Variants in KIAA0753 observed in about 807,000 individuals in gnomAD.
KIAA0753 encodes the protein protein moonraker.
A neutral mutation model predicts 116.9 loss-of-function variants in KIAA0753; 114 were observed. That is an observed-to-expected ratio of 0.98 (90% CI 0.84 to 1.14). KIAA0753 has a LOEUF of 1.14. Among genes scored for constraint, KIAA0753 ranks in the 50% most tolerant of loss-of-function variants. The probability of loss-of-function intolerance (pLI) is 0.00; values close to 1 mark genes in which losing one functional copy is unlikely to be tolerated. For synonymous variants in KIAA0753, 405 were observed against 413.1 expected (o/e 0.98, Z 0.24); for missense variants, 1,156 against 1,172.4 (o/e 0.99, Z 0.20).
At chr17:6,600,270 T>C in intron 13 of KIAA0753, 110 bp downstream of exon 13, 1 of 788,276 alleles carries the variant, frequency 1.3e-6, no homozygotes, top group South Asian at 1.5e-5. Flanking sequence ...ATCTTCCAGA[T>C]GCCACAGAGA....
At chr17:6,586,544 G>C (rs1968592626) in intron 18 of KIAA0753, among the ~76,000 whole-genome samples, 1 of 152,122 alleles carries the variant, frequency 6.6e-6, no homozygotes, top group African/African-American at 2.4e-5. Context: ...TGTCATTGAT[G>C]GTTTCATGTG....
At chr17:6,618,271 G>T (rs1699318986) in intron 7 of KIAA0753, among the ~76,000 whole-genome samples, 1 of 152,160 alleles carries the variant, frequency 6.6e-6, no homozygotes. Flanking sequence ...CCATCTGGTT[G>T]TTCATCTGTA....
chr17:6,590,226 C>A (rs372176392), intron 17 of KIAA0753, among the ~76,000 whole-genome samples: 1 of 152,138 alleles, frequency 6.6e-6, no homozygotes, highest in African/African-American at 2.4e-5. Context: ...ATTCTTAAAG[C>A]AAATCGTGCA....
At chr17:6,626,042 T>C (rs1971646280) in intron 3 of KIAA0753, among the ~76,000 whole-genome samples, 1 of 152,226 alleles carries the variant, frequency 6.6e-6, no homozygotes, top group African/African-American at 2.4e-5. Context: ...CTCTAACATA[T>C]TAAGATAGCA....
intron 16 of KIAA0753, among the ~76,000 whole-genome samples, chr17:6,591,043 A>AGAAGGAG (rs1480196381): frequency 3.1e-5 from 1 of 32,640 alleles, no homozygotes; most frequent in African/African-American, 1.0e-4. Flanking sequence ...GGAAGAAGGA[A>AGAAGGAG]GAAGAAGAAG....
Position 6,589,853 on chromosome 17 carries a change from A to G in KIAA0753, c.2712T>C (p.Ser904=). The change falls in exon 18 of 19, where the codon AGT becomes AGC. Residue 904 remains serine (S), a synonymous_variant. Transcript: ENST00000361413. ...GMQHSIGDYC[S]RFEQYLRIIS... Reference sequence around the variant, plus strand: ...TGATCCGAAGGTACTGCTCAAAACGACTACAGTAGTCACCGATGCTGTGCT... The same window carrying G: ...TGATCCGAAGGTACTGCTCAAAACGGCTACAGTAGTCACCGATGCTGTGCT... 1 of 1,614,104 alleles carries G rather than the reference A, an allele frequency of 6.2e-7. No homozygotes were observed. Among genetic ancestry groups the G allele is most frequent in the African/African-American group, 1.3e-5 (1 of 75,044 alleles).
intron 8 of KIAA0753, among the ~76,000 whole-genome samples, chr17:6,611,486 T>C (rs971074789): frequency 2.6e-4 from 40 of 151,928 alleles, no homozygotes; most frequent in African/African-American, 9.2e-4. Flanking sequence ...TTAGTAGAGA[T>C]GGGGTCTCAC....
intron 16 of KIAA0753, among the ~76,000 whole-genome samples, chr17:6,591,109 A>T (rs1265348988): frequency 2.7e-5 from 4 of 150,446 alleles, no homozygotes; most frequent in Non-Finnish European, 5.9e-5. Flanking sequence ...AAGAAGAAGA[A>T]AACACTCACA....
In KIAA0753 at chr17:6,637,675, G is replaced by A. The variant is rs536039905; in HGVS notation, c.-68-2504C>T. On this transcript the variant is annotated intron_variant, in intron 1 of 18. Transcript: ENST00000361413. ...GACACCCCCAGAGCCAGTCTTCTCC[G>A]CCATGGGCCCAGGCATCCTGGTCGA... 5.2e-5 allele frequency: 8 copies of A among 152,568 alleles called. No individual in the cohort carries two copies. The East Asian group carries it at 5.8e-4, about 11-fold the overall frequency. The allele number at this position is 152,568 out of a possible 1,614,324, so 9.5% of individuals were successfully genotyped here. A position where few individuals can be genotyped will look rare whatever the true frequency, so the allele number is the denominator to read the frequency against.
At chr17:6,597,559 G>A (rs941365269) in intron 14 of KIAA0753, among the ~76,000 whole-genome samples, 3 of 152,244 alleles carry the variant, frequency 2.0e-5, no homozygotes, top group East Asian at 1.9e-4. Flanking sequence ...TACTTCTTCT[G>A]AATTATTTAA....
intron 7 of KIAA0753, among the ~76,000 whole-genome samples, chr17:6,614,715 T>A (rs533157209): frequency 2.8e-4 from 42 of 152,344 alleles, no homozygotes; most frequent in Middle Eastern, 3.4e-3. Context: ...GCCATCTGGT[T>A]TCACTTTCCT....
At chr17:6,632,262 A>G (rs1972061659) in intron 2 of KIAA0753, among the ~76,000 whole-genome samples, 1 of 152,230 alleles carries the variant, frequency 6.6e-6, no homozygotes, top group Non-Finnish European at 1.5e-5. Flanking sequence ...TCAAAGAGAC[A>G]CTGGGGCCAA....
intron 3 of KIAA0753, 38 bp from the exon 4 acceptor site, chr17:6,624,899 A>C: frequency 7.6e-7 from 1 of 1,319,830 alleles, no homozygotes; most frequent in South Asian, 1.3e-5. Context: ...AGTGGATTAT[A>C]AACCATATAT....
chr17:6,624,740 C>T lies in KIAA0753; in HGVS notation c.825+15G>A, dbSNP rs1169771503. On this transcript the variant is annotated intron_variant, in intron 4 of 18. Coordinates refer to ENST00000361413, the MANE Select transcript of KIAA0753 (RefSeq NM_014804.3). The stretch of plus-strand genomic sequence containing the variant: ...ACAAGGCTGACTGCCCTACTTCTCC[C>T]TGAACTTTTCACACCTGCTGCTGGA... 3.9e-6 allele frequency: 6 copies of T among 1,542,924 alleles called. No individual in the cohort carries two copies. Among genetic ancestry groups the T allele is most frequent in the Non-Finnish European group, 4.4e-6 (5 of 1,138,072 alleles).
intron 12 of KIAA0753, among the ~76,000 whole-genome samples, chr17:6,606,589 G>C (rs1450899703): frequency 6.6e-6 from 1 of 152,196 alleles, no homozygotes; most frequent in Non-Finnish European, 1.5e-5. Flanking sequence ...TCTGGCTAGA[G>C]AAAAGTACCT....
chr17:6,608,755 A>G (rs1240591083), intron 9 of KIAA0753, among the ~76,000 whole-genome samples: 1 of 152,218 alleles, frequency 6.6e-6, no homozygotes, highest in Non-Finnish European at 1.5e-5. Flanking sequence ...CTGTCACAAT[A>G]CATAGATTTG....
At position 6,596,251 on chromosome 17, in the gene KIAA0753, A is replaced by G; in HGVS notation, c.2265T>C (p.Ala755=). ...CTAAGGTTTCAGACCCCAAGATCTT[A>G]GCATGAGTCACAGCCCAGAGCTCAC... The part of the protein sequence containing the change: ...CASELWAVTH[A]KILGSETLAT... The change falls in exon 15 of 19, where the codon GCT becomes GCC. Residue 755 remains alanine (A), a synonymous_variant. Coordinates refer to ENST00000361413, the MANE Select transcript of KIAA0753 (RefSeq NM_014804.3). 6.2e-7 allele frequency: 1 copy of G among 1,613,936 alleles called. No homozygotes were observed. Among genetic ancestry groups the G allele is most frequent in the Non-Finnish European group, 8.5e-7 (1 of 1,179,858 alleles).
At chr17:6,598,245 T>C (rs1969613304) in intron 14 of KIAA0753, among the ~76,000 whole-genome samples, 1 of 152,176 alleles carries the variant, frequency 6.6e-6, no homozygotes, top group African/African-American at 2.4e-5. Flanking sequence ...ATATATCATT[T>C]AGTGGCCAAG....
Position 6,579,790 on chromosome 17 carries a change from G to T in KIAA0753, c.2861C>A (p.Ala954Glu). The T allele has an allele frequency of 1.9e-6, 3 of 1,613,816 alleles. No homozygotes were observed. The South Asian group carries it at 3.3e-5, about 18-fold the overall frequency. ...GAATTCTGAGGTGAACACAGCTTCTGCATAATCTTCGCACATATCCTGAAG... is the reference window on the plus strand; with the variant it reads ...GAATTCTGAGGTGAACACAGCTTCTTCATAATCTTCGCACATATCCTGAAG... ...AELQDMCEDY[A>E]EAVFTSEFLE... Residue 954 changes from alanine (A) to glutamate (E), a missense_variant, in exon 19 of 19, where the codon GCA becomes GAA. Transcript: ENST00000361413.
Sources: gnomAD v4.1 joint callset for allele counts (sites outside exome capture counted in the v4.1 genomes callset) on GRCh38, gnomAD v4.1.1 for gene constraint, MANE v1.5 for transcripts, NCBI Gene and HGNC (gene_info 2026-07-23, HGNC 2026-07-21) for gene names.